Variants in AGBL4 observed in about 807,000 individuals in gnomAD.
AGBL4 encodes the protein cytosolic carboxypeptidase 6.
Under a neutral mutation model 66.4 loss-of-function variants are expected in AGBL4, and 58 were observed. The observed-to-expected ratio is 0.87, with a 90% CI of 0.71 to 1.09. AGBL4 has a LOEUF of 1.09. AGBL4 is among the 50% of genes least tolerant of loss of function. AGBL4 has a pLI of 0.00. For missense variants in AGBL4, 579 were observed against 631.0 expected, an observed-to-expected ratio of 0.92 and a Z score of 0.88; for synonymous variants, 234 against 222.9, an observed-to-expected ratio of 1.05 and a Z score of -0.44.
intron 6 of AGBL4, among the ~76,000 whole-genome samples, chr1:48,717,526 G>C (rs1485896856): frequency 6.6e-6 from 1 of 152,118 alleles, no homozygotes; most frequent in Non-Finnish European, 1.5e-5. Context: ...GTGTGTGCGT[G>C]TGTGTGTGCG....
At chr1:48,674,251 C>T (rs1422070227) in intron 6 of AGBL4, among the ~76,000 whole-genome samples, 2 of 152,168 alleles carry the variant, frequency 1.3e-5, no homozygotes, top group African/African-American at 4.8e-5. Context: ...CATACATTCA[C>T]GCTGGCCGCA....
chr1:49,484,525 C>T (rs1647022985), intron 3 of AGBL4, among the ~76,000 whole-genome samples: 1 of 151,862 alleles, frequency 6.6e-6, no homozygotes, highest in African/African-American at 2.4e-5. Context: ...ACATGTTCTC[C>T]CTTATTTGTG....
intron 3 of AGBL4, among the ~76,000 whole-genome samples, chr1:49,260,506 A>T (rs1165943058): frequency 6.6e-6 from 1 of 152,166 alleles, no homozygotes; most frequent in Non-Finnish European, 1.5e-5. Context: ...AATACAAACT[A>T]CCATCAGAGA....
intron 4 of AGBL4, among the ~76,000 whole-genome samples, chr1:49,232,711 A>T (rs941451654): frequency 2.6e-5 from 4 of 151,416 alleles, no homozygotes; most frequent in Admixed American, 2.0e-4. Flanking sequence ...AATTAAAAAA[A>T]AAAAAAGGAC....
At chr1:48,986,373 A>C (rs1437365948) in intron 5 of AGBL4, among the ~76,000 whole-genome samples, 2 of 152,028 alleles carry the variant, frequency 1.3e-5, no homozygotes, top group Non-Finnish European at 2.9e-5. Flanking sequence ...ATCATAATCA[A>C]TTTGTTTAAA....
At chr1:48,685,259 A>G (rs1646514330) in intron 6 of AGBL4, among the ~76,000 whole-genome samples, 1 of 152,270 alleles carries the variant, frequency 6.6e-6, no homozygotes, top group Non-Finnish European at 1.5e-5. Context: ...TTTTTAAATT[A>G]AAAAATAATG....
chr1:49,256,485 G>T (rs1652515753), intron 3 of AGBL4, among the ~76,000 whole-genome samples: 2 of 152,074 alleles, frequency 1.3e-5, no homozygotes, highest in South Asian at 2.1e-4. Context: ...AATCAAAAGT[G>T]CAAGACTTCA....
At chr1:48,856,101 A>T (rs1232438749) in intron 6 of AGBL4, among the ~76,000 whole-genome samples, 1 of 152,210 alleles carries the variant, frequency 6.6e-6, no homozygotes, top group Non-Finnish European at 1.5e-5. Flanking sequence ...AATGTGCTAA[A>T]ATATTAAATA....
chr1:49,977,870 G>T (rs1052402332), intron 1 of AGBL4, among the ~76,000 whole-genome samples: 2 of 152,028 alleles, frequency 1.3e-5, no homozygotes, highest in Non-Finnish European at 2.9e-5. Flanking sequence ...CATTCTCTAG[G>T]CCTGCTGCCT....
At chr1:49,949,137 A>G (rs975931747) in intron 1 of AGBL4, among the ~76,000 whole-genome samples, 21 of 151,952 alleles carry the variant, frequency 1.4e-4, no homozygotes, top group African/African-American at 5.1e-4. Flanking sequence ...TTGGCTAGCC[A>G]CATGTAGGAG....
At chr1:49,232,057 T>A (rs575838006) in intron 4 of AGBL4, among the ~76,000 whole-genome samples, 1 of 152,104 alleles carries the variant, frequency 6.6e-6, no homozygotes, top group Non-Finnish European at 1.5e-5. Context: ...TGTAACCCCA[T>A]CATAAATTCT....
intron 6 of AGBL4, chr1:48,817,930 G>A: frequency 1.6e-6 from 1 of 636,452 alleles, no homozygotes; most frequent in East Asian, 2.7e-5. Context: ...AGGCTGTGTA[G>A]TCAGTAGGCA....
At chr1:49,118,775 C>A (rs911329770) in intron 4 of AGBL4, among the ~76,000 whole-genome samples, 33 of 152,258 alleles carry the variant, frequency 2.2e-4, no homozygotes, top group African/African-American at 7.9e-4. Context: ...TGGAATGGTA[C>A]CAGCACCTCT....
At chr1:49,371,809 T>C (rs1644350748) in intron 3 of AGBL4, among the ~76,000 whole-genome samples, 1 of 142,562 alleles carries the variant, frequency 7.0e-6, no homozygotes, top group African/African-American at 2.6e-5. Context: ...CCAGTGACTT[T>C]TCAAACTCTG....
intron 2 of AGBL4, among the ~76,000 whole-genome samples, chr1:49,782,501 C>T (rs909448444): frequency 6.6e-6 from 1 of 152,042 alleles, no homozygotes; most frequent in Admixed American, 6.6e-5. Flanking sequence ...GGTTAAAATC[C>T]GAATCCTCCA....
At chr1:49,109,830 C>T (rs771841053) in intron 4 of AGBL4, among the ~76,000 whole-genome samples, 2 of 152,128 alleles carry the variant, frequency 1.3e-5, no homozygotes, top group Non-Finnish European at 2.9e-5. Context: ...TCCAACATCA[C>T]AGATTTTAAC....
intron 3 of AGBL4, among the ~76,000 whole-genome samples, chr1:49,563,111 G>T (rs530403714): frequency 6.6e-6 from 1 of 151,856 alleles, no homozygotes; most frequent in South Asian, 2.1e-4. Flanking sequence ...CTCTCTGTTT[G>T]TCTGTTATTG....
intron 6 of AGBL4, among the ~76,000 whole-genome samples, chr1:48,795,478 TG>T (rs1645652450): frequency 6.6e-6 from 1 of 152,148 alleles, no homozygotes; most frequent in African/African-American, 2.4e-5. Context: ...TTACATATAG[TG>T]GTAAGAATAA....
At position 49,791,761 on chromosome 1, in the gene AGBL4, CT is replaced by C. The variant is rs1249351486; in HGVS notation, c.157+59634del. 3.9e-5 allele frequency among the ~76,000 whole-genome samples: 6 copies of C among 152,172 alleles called. No homozygotes were observed. In the East Asian group the frequency reaches 9.6e-4, roughly 24 times the overall value. On this transcript the variant is annotated intron_variant, in intron 2 of 13. Coordinates refer to ENST00000371839, the MANE Select transcript of AGBL4 (RefSeq NM_032785.4). ...ATGATAGAAGACTCTCTTAACTAAC[CT>C]AAAAGTTTCTTTGATATCTTTATTA...
Sources: gnomAD v4.1 joint callset for allele counts (sites outside exome capture counted in the v4.1 genomes callset) on GRCh38, gnomAD v4.1.1 for gene constraint, MANE v1.5 for transcripts, NCBI Gene and HGNC (gene_info 2026-07-23, HGNC 2026-07-21) for gene names.